Variants in PON2 observed in about 807,000 individuals in gnomAD.
PON2 encodes serum paraoxonase/arylesterase 2.
PON2 carries 27 observed loss-of-function variants against 36.6 expected under a neutral mutation model. The ratio of observed to expected loss-of-function variants is 0.74; its 90% CI spans 0.54 to 1.02. The LOEUF is 1.02. Ranked by LOEUF, PON2 falls within the 50% of genes least tolerant of loss-of-function variation. PON2 has a pLI of 0.00. For missense variants in PON2, 363 were observed against 421.1 expected (o/e 0.86, Z 1.21); for synonymous variants, 149 against 156.3 (o/e 0.95, Z 0.35).
chr7:95,418,165 C>T (rs17876116), intron 2 of PON2: 3 of 152,156 alleles, frequency 2.0e-5, no homozygotes, highest in Admixed American at 2.0e-4. Flanking sequence ...ATCCCCTCTT[C>T]GGTGTGATTA....
Position 95,419,108 on chromosome 7 carries a change from T to C in PON2, c.146-2811A>G, listed in dbSNP as rs550649809. ...ATCAAATATCTAGTTAGTGTTCAAA[T>C]AGCCAATCATGTTTAAAAGGTGTAG... is the stretch of plus-strand genomic sequence containing the variant. On this transcript the variant is annotated intron_variant, in intron 2 of 8. Transcript: ENST00000222572. 3.3e-5 allele frequency among the ~76,000 whole-genome samples: 5 copies of C among 152,378 alleles called. No homozygotes were observed. In the South Asian group the frequency reaches 8.3e-4, roughly 25 times the overall value.
At chr7:95,407,790 T>C (rs1809742473) in intron 6 of PON2, among the ~76,000 whole-genome samples, 1 of 152,072 alleles carries the variant, frequency 6.6e-6, no homozygotes, top group Non-Finnish European at 1.5e-5. Flanking sequence ...GCATGAGAAA[T>C]AGTTCAGGTC....
intron 3 of PON2, among the ~76,000 whole-genome samples, chr7:95,414,049 AT>A (rs1326283770): frequency 6.6e-6 from 1 of 152,208 alleles, no homozygotes; most frequent in Non-Finnish European, 1.5e-5. Flanking sequence ...TTAAAAATTT[AT>A]TTTTAATTAT....
intron 5 of PON2, among the ~76,000 whole-genome samples, chr7:95,410,843 T>A (rs1212488615): frequency 1.3e-5 from 2 of 152,184 alleles, no homozygotes; most frequent in Non-Finnish European, 2.9e-5. Flanking sequence ...GGTCTCATTT[T>A]TCTGAAAGAG....
At chr7:95,410,622 C>G (rs573027101) in intron 5 of PON2, among the ~76,000 whole-genome samples, 1 of 152,148 alleles carries the variant, frequency 6.6e-6, no homozygotes, top group Non-Finnish European at 1.5e-5. Context: ...AATGAACAGG[C>G]ACTCAATAAA....
chr7:95,427,931 T>C (rs998154828), intron 1 of PON2, among the ~76,000 whole-genome samples: 2 of 152,168 alleles, frequency 1.3e-5, no homozygotes, highest in African/African-American at 2.4e-5. Flanking sequence ...TATAAACACA[T>C]ATAAGTGATG....
In PON2 at chr7:95,424,538, T is replaced by C. The variant is rs774668032; in HGVS notation, c.122A>G (p.His41Arg). The C allele has an allele frequency of 1.2e-6, 2 of 1,613,348 alleles. No individual in the cohort carries two copies. Among genetic ancestry groups the C allele is most frequent in the Non-Finnish European group, 8.5e-7 (1 of 1,179,614 alleles). Reference protein sequence around the residue: ...SREVESVDLPHCHLIKGIEAG... With the variant: ...SREVESVDLPRCHLIKGIEAG... ...ACCAATTCCTTTAATCAGGTGGCAG[T>C]GTGGAAGGTCTACAGATTCTACTTC... Residue 41 changes from histidine to arginine, a missense_variant, in exon 2 of 9, where the codon CAC (histidine) becomes CGC (arginine). Transcript: ENST00000222572.
At chr7:95,412,622 A>G (rs1788959094) in intron 3 of PON2, 145 bp from the exon 4 acceptor site, 1 of 782,692 alleles carries the variant, frequency 1.3e-6, no homozygotes, top group African/African-American at 1.8e-5. Context: ...GAGAAAAGAT[A>G]ACAGAAAAAA....
At position 95,413,398 on chromosome 7, in the gene PON2, T is replaced by A. The variant is rs575047786; in HGVS notation, c.202-921A>T. On this transcript the variant is annotated intron_variant, in intron 3 of 8. Coordinates refer to ENST00000222572, the MANE Select transcript of PON2 (RefSeq NM_000305.3). ...TCTAGTAGATTACTGATGGTTGTGGTGTTGGGTATTTTCTTCCTGTTCTGA... is the reference window on the plus strand; with the variant it reads ...TCTAGTAGATTACTGATGGTTGTGGAGTTGGGTATTTTCTTCCTGTTCTGA... Among the ~76,000 whole-genome samples the A allele has an allele frequency of 1.2e-4, 18 of 152,318 alleles. No homozygotes were observed. The South Asian group carries it at 3.7e-3, about 32-fold the overall frequency.
intron 2 of PON2, among the ~76,000 whole-genome samples, chr7:95,423,378 T>C (rs953328212): frequency 6.6e-6 from 1 of 151,192 alleles, no homozygotes; most frequent in Non-Finnish European, 1.5e-5. Flanking sequence ...ATATTTATTG[T>C]TCATTGATAA....
chr7:95,416,874 T>G (rs1789075115), intron 2 of PON2, among the ~76,000 whole-genome samples: 1 of 152,182 alleles, frequency 6.6e-6, no homozygotes, highest in African/African-American at 2.4e-5. Context: ...AGAAAATTAA[T>G]GAAAAATACC....
intron 1 of PON2, among the ~76,000 whole-genome samples, chr7:95,430,725 A>T (rs1302159155): frequency 6.6e-6 from 1 of 151,832 alleles, no homozygotes; most frequent in Admixed American, 6.6e-5. Flanking sequence ...GTGCTGCTGC[A>T]CTCCAGCCTG....
rs1386132523 is a variant in PON2 at position 95,405,312 on chromosome 7, T to C, written c.*18A>G. On this transcript the variant is annotated 3_prime_UTR_variant, in exon 9 of 9. Transcript: ENST00000222572. ...AATTAATTGTTAAGTTATCGCACTT[T>C]CATGCCAAAAGTACAATTTAGAGTT... 6.2e-7 allele frequency: 1 copy of C among 1,611,874 alleles called. No individual in the cohort carries two copies. Among genetic ancestry groups the C allele is most frequent in the Non-Finnish European group, 8.5e-7 (1 of 1,178,148 alleles).
chr7:95,412,256 C>T (rs1388253231), intron 4 of PON2, 56 bp downstream of exon 4: 3 of 1,586,278 alleles, frequency 1.9e-6, no homozygotes, highest in East Asian at 2.2e-5. Flanking sequence ...CTATTTTTCA[C>T]AGTCATTTGT....
chr7:95,434,079 G>T (rs1789505400), intron 1 of PON2, among the ~76,000 whole-genome samples: 1 of 152,206 alleles, frequency 6.6e-6, no homozygotes, highest in South Asian at 2.1e-4. Context: ...GTTGAGGCAG[G>T]GCAGAACAGC....
In PON2 at chr7:95,428,133, G is replaced by A. The variant is rs142449202; in HGVS notation, c.75-3548C>T. On this transcript the variant is annotated intron_variant, in intron 1 of 8. Coordinates refer to ENST00000222572, the MANE Select transcript of PON2 (RefSeq NM_000305.3). ...GAGCCAGCCTCAGACACATTGTTTC[G>A]CAACCACAGGGAGTCTGTTAAAATT... Among the ~76,000 whole-genome samples, 403 of 152,262 alleles carry A rather than the reference G, an allele frequency of 2.6e-3. 1 individual carries two copies. Among genetic ancestry groups the A allele is most frequent in the African/African-American group, 9.3e-3 (385 of 41,550 alleles).
intron 3 of PON2, chr7:95,413,012 C>T (rs1299041403): frequency 1.3e-5 from 2 of 158,166 alleles, no homozygotes; most frequent in Non-Finnish European, 2.7e-5. Context: ...GGCCTGGTGG[C>T]TCATGCCTAT....
intron 2 of PON2, among the ~76,000 whole-genome samples, chr7:95,419,129 T>C (rs1030967076): frequency 5.3e-5 from 8 of 152,226 alleles, no homozygotes; most frequent in African/African-American, 1.7e-4. Flanking sequence ...GTTTAAAAGG[T>C]GTAGCTTTAA....
intron 1 of PON2, among the ~76,000 whole-genome samples, chr7:95,433,147 C>T (rs1489739306): frequency 1.3e-5 from 2 of 152,344 alleles, no homozygotes; most frequent in Middle Eastern, 3.4e-3. Flanking sequence ...CTGAAGCCAG[C>T]TTGCCAAACA....
Sources: allele counts gnomAD v4.1 joint callset (sites outside exome capture counted in the v4.1 genomes callset), GRCh38; gene constraint gnomAD v4.1.1; transcripts MANE v1.5; gene names NCBI Gene and HGNC (gene_info 2026-07-23, HGNC 2026-07-21).